RAB9B: variants seen among roughly 807,000 people sequenced by gnomAD.
The protein encoded by RAB9B is RAB9B, member RAS oncogene family.
In RAB9B, 1 loss-of-function variant was observed where a neutral mutation model predicts 8.9. That is an observed-to-expected ratio of 0.11 (90% CI 0.04 to 0.53). The LOEUF (loss-of-function observed/expected upper bound fraction) is 0.53. Ranked by LOEUF, RAB9B falls within the 20% of genes least tolerant of loss-of-function variation. RAB9B has a pLI of 0.93. For missense variants in RAB9B, 82 were observed against 152.9 expected (o/e 0.54, Z 2.45); for synonymous variants, 63 against 57.0 (o/e 1.10, Z -0.47).
At chrX:103,813,900 A>G in the RAB9B span, among the ~76,000 whole-genome samples, 1 of 110,544 alleles carries the variant, frequency 9.0e-6, no homozygotes. Context: ...TCCTAAATAT[A>G]TATGCACCCA....
At chrX:103,787,715 C>A in the RAB9B span, 1 of 837,299 alleles carries the variant, frequency 1.2e-6, no homozygotes, top group Non-Finnish European at 1.8e-6. Context: ...GTCTGGCACA[C>A]GCCACTCCAG....
Position 103,825,269 on chromosome X carries a change from C to T in RAB9B, c.516G>A (p.Val172=), listed in dbSNP as rs199638729. 5.0e-6 allele frequency: 6 copies of T among 1,209,530 alleles called. No homozygotes were observed. The highest frequency in any genetic ancestry group is 1.8e-5 in the African/African-American group (1 of 57,041). ...TVAFEEAVRQ[V]LAVEEQLEHC... is the part of the protein sequence containing the mutation. ...GCTCCAGCTGTTCCTCTACAGCCAG[C>T]ACCTGCCTGACAGCTTCTTCAAAGG... Residue 172 remains valine (V), a synonymous_variant, in exon 3 of 3, where the codon GTG becomes GTA. Transcript: ENST00000243298.
At chrX:103,777,827 G>T in the RAB9B span, among the ~76,000 whole-genome samples, 3 of 112,352 alleles carry the variant, frequency 2.7e-5, no homozygotes, top group Non-Finnish European at 5.6e-5. Context: ...TGTCCCTATT[G>T]GACTCCACAG....
chrX:103,792,060 G>A, the RAB9B span: 46 of 110,914 alleles, frequency 4.1e-4, no homozygotes, highest in African/African-American at 1.4e-3. Flanking sequence ...GGCAGAAAGA[G>A]TTTGAGACCT....
the RAB9B span, among the ~76,000 whole-genome samples, chrX:103,802,012 A>G: frequency 9.0e-6 from 1 of 111,319 alleles, no homozygotes; most frequent in South Asian, 3.8e-4. Flanking sequence ...CAACTTATGT[A>G]ACCACTAAAT....
the RAB9B span, among the ~76,000 whole-genome samples, chrX:103,816,481 G>GA: frequency 1.8e-5 from 2 of 111,608 alleles, no homozygotes; most frequent in African/African-American, 6.5e-5. Flanking sequence ...AAACATCCTA[G>GA]AAAAAAACCT....
the RAB9B span, among the ~76,000 whole-genome samples, chrX:103,806,311 A>G: frequency 9.0e-6 from 1 of 110,813 alleles, no homozygotes; most frequent in East Asian, 2.8e-4. Flanking sequence ...ATTTTTATTC[A>G]TCTCAAGGTA....
chrX:103,811,745 C>A, the RAB9B span, among the ~76,000 whole-genome samples: 25,474 of 110,311 alleles, frequency 0.23, 2,404 homozygotes, highest in Admixed American at 0.31. Flanking sequence ...TGAAATACAG[C>A]TAATAACAAA....
chrX:103,814,701 A>G, the RAB9B span, among the ~76,000 whole-genome samples: 1 of 111,775 alleles, frequency 8.9e-6, no homozygotes, highest in South Asian at 3.8e-4. Flanking sequence ...CAAGATTAAT[A>G]AAGAAGAAAA....
chrX:103,813,273 T>G, the RAB9B span, among the ~76,000 whole-genome samples: 1 of 110,759 alleles, frequency 9.0e-6, no homozygotes, highest in Non-Finnish European at 1.9e-5. Flanking sequence ...TCTTAGAGTC[T>G]GTTCCAACAT....
At chrX:103,785,698 A>T in the RAB9B span, 2 of 1,210,075 alleles carry the variant, frequency 1.7e-6, no homozygotes, top group African/African-American at 3.5e-5. Context: ...TGAAGCCCTC[A>T]CTGGCACAGA....
At chrX:103,816,333 G>T in the RAB9B span, among the ~76,000 whole-genome samples, 7 of 111,864 alleles carry the variant, frequency 6.3e-5, no homozygotes, top group African/African-American at 2.3e-4. Context: ...AATGGGGAAA[G>T]GATTCCCTAT....
chrX:103,780,981 G>T, the RAB9B span: 1 of 147,443 alleles, frequency 6.8e-6, no homozygotes, highest in Non-Finnish European at 1.4e-5. Context: ...GGGAGGTGGG[G>T]CCAGTTTCTC....
chrX:103,783,386 C>T, the RAB9B span, among the ~76,000 whole-genome samples: 1 of 112,464 alleles, frequency 8.9e-6, no homozygotes, highest in East Asian at 2.8e-4. Flanking sequence ...TTCCTGGCAG[C>T]AATGCTTTAG....
At chrX:103,811,283 A>G in the RAB9B span, among the ~76,000 whole-genome samples, 2 of 112,243 alleles carry the variant, frequency 1.8e-5, no homozygotes, top group East Asian at 5.6e-4. Context: ...TCTATGAGGA[A>G]GTAAAAGTGA....
At chrX:103,800,216 A>T in the RAB9B span, among the ~76,000 whole-genome samples, 5 of 109,952 alleles carry the variant, frequency 4.5e-5, no homozygotes, top group South Asian at 2.0e-3. Flanking sequence ...GCTACAGGGG[A>T]CATATTTCTC....
chrX:103,781,602 T>G, the RAB9B span, among the ~76,000 whole-genome samples: 1 of 112,608 alleles, frequency 8.9e-6, no homozygotes, highest in East Asian at 2.8e-4. Flanking sequence ...ACTGGCCTTT[T>G]AATTCCCTTC....
intron 2 of RAB9B, among the ~76,000 whole-genome samples, 183 bp downstream of exon 2, chrX:103,826,822 G>C (rs1182738074): frequency 9.0e-6 from 1 of 111,577 alleles, no homozygotes; most frequent in Non-Finnish European, 1.9e-5. Context: ...CTAATCGAAG[G>C]AGTGCATGCA....
the RAB9B span, among the ~76,000 whole-genome samples, chrX:103,801,329 A>C: frequency 2.7e-5 from 3 of 110,508 alleles, no homozygotes; most frequent in East Asian, 5.7e-4. Context: ...CTAGGCTCCT[A>C]TCATTTGGTC....
Sources: allele counts gnomAD v4.1 joint callset (sites outside exome capture counted in the v4.1 genomes callset), GRCh38; gene constraint gnomAD v4.1.1; transcripts MANE v1.5; gene names NCBI Gene and HGNC (gene_info 2026-07-23, HGNC 2026-07-21).